TMPRSS11F: variants seen among roughly 807,000 people sequenced by gnomAD.
TMPRSS11F encodes the protein transmembrane serine protease 11F.
In TMPRSS11F, 47 loss-of-function variants were observed where a neutral mutation model predicts 60.2. That is an observed-to-expected ratio of 0.78 (90% CI 0.62 to 1.00). TMPRSS11F has a LOEUF of 1.00. TMPRSS11F is among the 50% of genes least tolerant of loss of function. The pLI is 0.00. For missense variants in TMPRSS11F, 519 were observed against 522.9 expected (o/e 0.99, Z 0.07); for synonymous variants, 166 against 167.3 (o/e 0.99, Z 0.06).
chr4:68,080,129 C>T (rs927683026), intron 3 of TMPRSS11F: 8 of 152,178 alleles, frequency 5.3e-5, no homozygotes, highest in African/African-American at 1.7e-4. Context: ...AGGAAAGCTT[C>T]CTGCTGACTC....
chr4:68,105,806 G>A (rs1180163960), intron 1 of TMPRSS11F, among the ~76,000 whole-genome samples: 3 of 152,116 alleles, frequency 2.0e-5, no homozygotes, highest in Middle Eastern at 6.8e-3. Flanking sequence ...CTTGCAAAAT[G>A]AACAAAATGA....
chr4:68,072,487 C>A lies in TMPRSS11F; in HGVS notation c.351-1G>T. On this transcript the variant is annotated splice_acceptor_variant, in intron 4 of 9. Transcript: ENST00000356291. LOFTEE classifies it high-confidence loss of function. The stretch of plus-strand genomic sequence containing the variant: ...AATATCCACACCTTGTTCATCTGGA[C>A]TGAAGAACAAAAAAGCAGATAAAAA... 1.3e-6 allele frequency: 2 copies of A among 1,501,434 alleles called. No homozygotes were observed. The highest frequency in any genetic ancestry group is 1.4e-5 in the African/African-American group (1 of 71,274). 93.0% of individuals were successfully genotyped at this position (1,501,434 alleles called of 1,614,324 possible). A position where few individuals can be genotyped will look rare whatever the true frequency, so the allele number is the denominator to read the frequency against.
chr4:68,126,317 T>C (rs1413552136), intron 1 of TMPRSS11F, among the ~76,000 whole-genome samples: 3 of 152,190 alleles, frequency 2.0e-5, no homozygotes, highest in Non-Finnish European at 4.4e-5. Context: ...AATTAAGTAT[T>C]TGTTGTACTA....
At chr4:68,055,642 C>A (rs1278945546) in intron 9 of TMPRSS11F, among the ~76,000 whole-genome samples, 2 of 152,142 alleles carry the variant, frequency 1.3e-5, no homozygotes, top group African/African-American at 4.8e-5. Context: ...TTCTACCAAG[C>A]ATCTAAAGAA....
intron 3 of TMPRSS11F, among the ~76,000 whole-genome samples, chr4:68,083,705 G>C (rs112308933): frequency 5.3e-5 from 8 of 152,030 alleles, no homozygotes. Context: ...AATTCAAAAA[G>C]ATAAAGGAAC....
intron 1 of TMPRSS11F, among the ~76,000 whole-genome samples, chr4:68,105,851 A>G (rs1235139484): frequency 2.6e-5 from 4 of 152,200 alleles, no homozygotes; most frequent in African/African-American, 7.2e-5. Context: ...ATATAAACCT[A>G]TCAGTATTTA....
chr4:68,089,926 G>C (rs1177845316), intron 3 of TMPRSS11F, among the ~76,000 whole-genome samples: 2 of 152,010 alleles, frequency 1.3e-5, no homozygotes, highest in Non-Finnish European at 2.9e-5. Flanking sequence ...ACAAATCTAT[G>C]ATCTCCATAG....
chr4:68,072,331 C>T lies in TMPRSS11F; in HGVS notation c.506G>A (p.Arg169Lys), dbSNP rs150716612. ...LSLTINKPSF[R>K]LTPIDSKKMR... ...AAAAATAAAAGACTTACGTGTGAGT[C>T]TAAATGATGGTTTGTTTATGGTCAA... The change falls in exon 5 of 10, where the codon AGA becomes AAA. Residue 169 changes from arginine (R) to lysine (K), a missense_variant. By Grantham distance (26) the Arg-to-Lys change is conservative. Transcript: ENST00000356291. The T allele has an allele frequency of 1.2e-3, 1,840 of 1,567,968 alleles. 2 individuals carry two copies. The highest frequency in any genetic ancestry group is 1.5e-3 in the Non-Finnish European group (1,701 of 1,155,610).
At chr4:68,071,452 G>T (rs1477942053) in intron 5 of TMPRSS11F, among the ~76,000 whole-genome samples, 1 of 152,170 alleles carries the variant, frequency 6.6e-6, no homozygotes, top group East Asian at 1.9e-4. Flanking sequence ...TAAATTAGAA[G>T]TAACTAAACT....
In TMPRSS11F at chr4:68,064,839, T is replaced by G; in HGVS notation, c.861A>C (p.Arg287Ser). Reference protein sequence around the residue: ...RKIILHENYHRETNENDIALV... With the variant: ...RKIILHENYHSETNENDIALV... Reference sequence around the variant, plus strand: ...AAGCAATGTCATTTTCATTTGTTTCTCTATGGTAATTCTCATGAAGAATAA... The same window carrying G: ...AAGCAATGTCATTTTCATTTGTTTCGCTATGGTAATTCTCATGAAGAATAA... Residue 287 changes from arginine (R) to serine (S), a missense_variant, in exon 8 of 10, where the codon AGA (arginine) becomes AGC (serine). Coordinates refer to ENST00000356291, the MANE Select transcript of TMPRSS11F (RefSeq NM_207407.2). 1 of 1,614,168 alleles carries G rather than the reference T, an allele frequency of 6.2e-7. No individual in the cohort carries two copies. The highest frequency in any genetic ancestry group is 8.5e-7 in the Non-Finnish European group (1 of 1,180,018).
chr4:68,098,357 T>TAAA, intron 2 of TMPRSS11F, among the ~76,000 whole-genome samples: 1 of 152,154 alleles, frequency 6.6e-6, no homozygotes, highest in African/African-American at 2.4e-5. Context: ...TGAATCTTAG[T>TAAA]TGATTGTCAT....
rs560759369 is a variant in TMPRSS11F at position 68,090,567 on chromosome 4, A to T, written c.238T>A (p.Ser80Thr). 4 of 1,601,568 alleles carry T rather than the reference A, an allele frequency of 2.5e-6. No homozygotes were observed. The highest frequency in any genetic ancestry group is 2.7e-5 in the African/African-American group (2 of 74,442). ...IKYKENYGIRSSREFIERSHQ... is the reference protein window; with the variant it reads ...IKYKENYGIRTSREFIERSHQ... ...CTCCTTTCTATAAACTCTCTTGAAGATCTTATGCCATAATTTTCTTTATAT... is the reference window on the plus strand; with the variant it reads ...CTCCTTTCTATAAACTCTCTTGAAGTTCTTATGCCATAATTTTCTTTATAT... Residue 80 changes from serine (S) to threonine (T), a missense_variant, in exon 3 of 10, where the codon TCT becomes ACT. By Grantham distance (58) the Ser-to-Thr change is moderately conservative. Transcript: ENST00000356291.
At chr4:68,062,940 G>A (rs2109833535) in intron 8 of TMPRSS11F, 1 of 782,514 alleles carries the variant, frequency 1.3e-6, no homozygotes, top group Non-Finnish European at 2.3e-6. Flanking sequence ...TTATAAAGCA[G>A]GCTAATGAGA....
At chr4:68,075,156 G>GA (rs1401519864) in intron 3 of TMPRSS11F, among the ~76,000 whole-genome samples, 1 of 151,906 alleles carries the variant, frequency 6.6e-6, no homozygotes, top group African/African-American at 2.4e-5. Context: ...TCCTCTCCCT[G>GA]ACTCTTCTAA....
At chr4:68,105,169 A>G (rs1159170458) in intron 1 of TMPRSS11F, among the ~76,000 whole-genome samples, 1 of 147,264 alleles carries the variant, frequency 6.8e-6, no homozygotes, top group Non-Finnish European at 1.5e-5. Context: ...TCTTTGTTGG[A>G]AATTAACAAC....
At chr4:68,094,977 C>T (rs1279780316) in intron 2 of TMPRSS11F, among the ~76,000 whole-genome samples, 1 of 151,830 alleles carries the variant, frequency 6.6e-6, no homozygotes, top group African/African-American at 2.4e-5. Context: ...AGTAACTAAA[C>T]AACAAAACCA....
chr4:68,068,884 C>A, intron 6 of TMPRSS11F, 65 bp from the exon 7 acceptor site: 2 of 1,550,552 alleles, frequency 1.3e-6, no homozygotes, highest in Non-Finnish European at 1.8e-6. Flanking sequence ...TTCTGATTTG[C>A]TTTGGTTATA....
At chr4:68,054,112 A>C (rs528824549) in intron 9 of TMPRSS11F, 45 bp from the exon 10 acceptor site, 2 of 1,565,264 alleles carry the variant, frequency 1.3e-6, no homozygotes, top group South Asian at 2.3e-5. Context: ...ACTTTAATTC[A>C]GTGGGAAGGT....
In TMPRSS11F at chr4:68,053,980, G is replaced by C; in HGVS notation, c.1246C>G (p.Pro416Ala). The stretch of plus-strand genomic sequence containing the variant: ...CTGGTGTAGACTCCAGGTTTTTTGG[G>C]AAGTGCACATGATTGTCCCCAACTT... The part of the protein sequence containing the change: ...IVSWGQSCAL[P>A]KKPGVYTRVT... Residue 416 changes from proline to alanine, a missense_variant, in exon 10 of 10, where the codon CCC becomes GCC. Physicochemically the swap from Pro to Ala is conservative, Grantham distance 27. Coordinates refer to ENST00000356291, the MANE Select transcript of TMPRSS11F (RefSeq NM_207407.2). 6.2e-7 allele frequency: 1 copy of C among 1,612,648 alleles called. No homozygotes were observed. The highest frequency in any genetic ancestry group is 1.3e-5 in the African/African-American group (1 of 74,696).
Sources: gnomAD v4.1 joint callset for allele counts (sites outside exome capture counted in the v4.1 genomes callset) on GRCh38, gnomAD v4.1.1 for gene constraint, MANE v1.5 for transcripts, NCBI Gene and HGNC (gene_info 2026-07-23, HGNC 2026-07-21) for gene names.